The following RTEL1 variants were observed in gnomAD, a reference collection of about 807,000 sequenced individuals.
The protein encoded by RTEL1 is regulator of telomere length.
RTEL1 carries 86 observed loss-of-function variants against 162.2 expected under a neutral mutation model. That is an observed-to-expected ratio of 0.53 (90% CI 0.45 to 0.63). The LOEUF (loss-of-function observed/expected upper bound fraction) is 0.63. Among genes scored for constraint, RTEL1 ranks in the 30% least tolerant of loss-of-function variants. The probability of loss-of-function intolerance (pLI) is 0.00; values close to 1 mark genes in which losing one functional copy is unlikely to be tolerated. For missense variants in RTEL1, 1,941 were observed against 1,750.2 expected (o/e 1.11, Z -1.95); for synonymous variants, 958 against 717.9 (o/e 1.33, Z -5.35).
At chr20:63,690,503 G>GGGGGGGGGGGGC in intron 26 of RTEL1, 62 bp downstream of exon 26, 18 of 1,028,378 alleles carry the variant, frequency 1.8e-5, no homozygotes, top group East Asian at 2.6e-5. Context: ...CGTGGGGCGG[G>GGGGGGGGGGGGC]CAGCACCAGG....
At position 63,661,210 on chromosome 20, in the gene RTEL1, G is replaced by A. The variant is rs911184468; in HGVS notation, c.103-88G>A. Reference sequence around the variant, plus strand: ...CCTCTGCATCTGCAAAGAGCTGCCCGCTGGCTGCCGAAGCTTGTCTCAGGG... The same window carrying A: ...CCTCTGCATCTGCAAAGAGCTGCCCACTGGCTGCCGAAGCTTGTCTCAGGG... On this transcript the variant is annotated intron_variant, in intron 2 of 34. Transcript: ENST00000360203. This position sits in a 1 kb window ranked among gnomAD's most constrained non-coding sequence, Gnocchi z 5.1. 8 of 1,262,628 alleles carry A rather than the reference G, an allele frequency of 6.3e-6. No homozygotes were observed. The highest frequency in any genetic ancestry group is 1.5e-5 in the African/African-American group (1 of 67,532). 78.2% of individuals were successfully genotyped at this position (1,262,628 alleles called of 1,614,324 possible). A position where few individuals can be genotyped will look rare whatever the true frequency, so the allele number is the denominator to read the frequency against.
chr20:63,679,835 C>T lies in RTEL1; in HGVS notation c.1038-14C>T, dbSNP rs768246499. ...CCCCCGCCAGGCTCGAGCCTGCCTT[C>T]TTCTCCTCGGCAGCTACATCTTTGA... is the stretch of plus-strand genomic sequence containing the variant. On this transcript the variant is annotated splice_polypyrimidine_tract_variant and intron_variant, in intron 12 of 34. Coordinates refer to ENST00000360203, the MANE Select transcript of RTEL1 (RefSeq NM_001283009.2). 6.2e-7 allele frequency: 1 copy of T among 1,605,744 alleles called. No homozygotes were observed. The highest frequency in any genetic ancestry group is 8.5e-7 in the Non-Finnish European group (1 of 1,177,330).
In RTEL1 at chr20:63,693,199, C is replaced by T; in HGVS notation, c.2908C>T (p.Gln970Ter). The T allele has an allele frequency of 1.2e-6, 2 of 1,612,150 alleles. No homozygotes were observed. Among genetic ancestry groups the T allele is most frequent in the Non-Finnish European group, 1.7e-6 (2 of 1,179,530 alleles). The change falls in exon 30 of 35, where the codon CAG becomes TAG. Residue 970 changes from glutamine to a stop codon, truncating the protein, a stop_gained. Transcript: ENST00000360203. LOFTEE classifies it high-confidence loss of function. ...GCAGCAGTTTGAGGAGGTCTGTATC[C>T]AGCTGACAGGACGAGGCTGTGGCTA... Reference protein sequence around the residue: ...HKQQFEEVCIQLTGRGCGYRP... With the variant: ...HKQQFEEVCI
intron 7 of RTEL1, among the ~76,000 whole-genome samples, chr20:63,666,563 T>C (rs978998309): frequency 2.6e-5 from 4 of 152,156 alleles, no homozygotes; most frequent in African/African-American, 7.2e-5. Flanking sequence ...TGAAACAGGG[T>C]CTCGCTCTGC....
intron 7 of RTEL1, 151 bp downstream of exon 7, chr20:63,666,230 C>T: frequency 2.9e-6 from 2 of 687,038 alleles, no homozygotes; most frequent in South Asian, 3.9e-5. Context: ...GTTTAAGCAG[C>T]TCTGAGGAAG....
intron 6 of RTEL1, among the ~76,000 whole-genome samples, chr20:63,664,030 T>A (rs1307460338): frequency 6.6e-6 from 1 of 152,066 alleles, no homozygotes; most frequent in Admixed American, 6.6e-5. Flanking sequence ...CTGTGTTGCT[T>A]CTTGTTCGCT....
Position 63,695,332 on chromosome 20 carries a change from C to T in RTEL1, c.3504C>T (p.Pro1168=). Residue 1168 remains proline (P), a synonymous_variant, in exon 34 of 35, where the codon CCC becomes CCT. Coordinates refer to ENST00000360203, the MANE Select transcript of RTEL1 (RefSeq NM_001283009.2). Reference sequence around the variant, plus strand: ...GACTCAAGTCTCTGTCTCCAGGCCCCTCACGGTCCGAGAAGACCGGGAAGA... The same window carrying T: ...GACTCAAGTCTCTGTCTCCAGGCCCTTCACGGTCCGAGAAGACCGGGAAGA... The part of the protein sequence containing the change: ...VLTHRAPQPG[P]SRSEKTGKTQ... The T allele has an allele frequency of 6.4e-7, 1 of 1,560,272 alleles. No individual in the cohort carries two copies. The highest frequency in any genetic ancestry group is 8.7e-7 in the Non-Finnish European group (1 of 1,152,796).
At chr20:63,677,290 C>T (rs930250834) in intron 10 of RTEL1, among the ~76,000 whole-genome samples, 13 of 152,174 alleles carry the variant, frequency 8.5e-5, no homozygotes, top group Non-Finnish European at 1.6e-4. Context: ...TACAGCCATA[C>T]GCACAGGTGT....
In RTEL1 at chr20:63,661,830, G is replaced by A; in HGVS notation, c.302-20G>A. The A allele has an allele frequency of 6.2e-7, 1 of 1,609,422 alleles. No homozygotes were observed. The highest frequency in any genetic ancestry group is 8.5e-7 in the Non-Finnish European group (1 of 1,175,762). On this transcript the variant is annotated intron_variant, in intron 3 of 34. Coordinates refer to ENST00000360203, the MANE Select transcript of RTEL1 (RefSeq NM_001283009.2). This position sits in a 1 kb window ranked among gnomAD's most constrained non-coding sequence, Gnocchi z 5.1. ...GTTGTCTGAGAACCGTGACTTCTGT[G>A]CTTGCTTGTGTCTGGTCAGCTTGCT... is the stretch of plus-strand genomic sequence containing the variant.
intron 10 of RTEL1, 120 bp downstream of exon 10, chr20:63,674,213 T>G: frequency 6.8e-7 from 1 of 1,466,568 alleles, no homozygotes; most frequent in Non-Finnish European, 9.0e-7. Flanking sequence ...TGCTTGGTCC[T>G]GAGGCCCGTG....
In RTEL1 at chr20:63,659,329, G is replaced by T; in HGVS notation, c.-74G>T. ...AGTGCCCGAGACCCTAAGATGTTCGGAGTGGTTTTTTCGCACAGACCCGAA... is the reference window on the plus strand; with the variant it reads ...AGTGCCCGAGACCCTAAGATGTTCGTAGTGGTTTTTTCGCACAGACCCGAA... On this transcript the variant is annotated 5_prime_UTR_variant, in exon 2 of 35. Coordinates refer to ENST00000360203, the MANE Select transcript of RTEL1 (RefSeq NM_001283009.2). The T allele has an allele frequency of 2.0e-6, 2 of 998,878 alleles. No homozygotes were observed. The highest frequency in any genetic ancestry group is 3.2e-6 in the Non-Finnish European group (2 of 624,080). 61.9% of individuals were successfully genotyped at this position (998,878 alleles called of 1,614,324 possible).
At chr20:63,692,230 C>T (rs957128387) in intron 28 of RTEL1, 19 of 224,866 alleles carry the variant, frequency 8.4e-5, no homozygotes, top group South Asian at 3.8e-4. Context: ...CCAAGTGTGG[C>T]GGCCTTTGTC....
At position 63,668,144 on chromosome 20, in the gene RTEL1, T is replaced by G. The variant is rs2090175527; in HGVS notation, c.699+591T>G. Among the ~76,000 whole-genome samples the G allele has an allele frequency of 7.2e-6, 1 of 139,416 alleles. No homozygotes were observed. The highest frequency in any genetic ancestry group is 2.3e-4 in the South Asian group (1 of 4,338). 91.5% of individuals were successfully genotyped at this position (139,416 alleles called of 152,430 possible). On this transcript the variant is annotated intron_variant, in intron 8 of 34. Transcript: ENST00000360203. The surrounding 1 kb of genome is among the most constrained non-coding windows in gnomAD (Gnocchi z 4.3). The stretch of plus-strand genomic sequence containing the variant: ...CGCCAGCATGTGCCCGGCCCCACAC[T>G]CAACTCCCCTCCTCCCAGTGTGTGC...
At position 63,668,258 on chromosome 20, in the gene RTEL1, A is replaced by G. The variant is rs918530687; in HGVS notation, c.699+705A>G. Among the ~76,000 whole-genome samples the G allele has an allele frequency of 1.2e-4, 19 of 152,086 alleles. No homozygotes were observed. The highest frequency in any genetic ancestry group is 3.9e-4 in the African/African-American group (16 of 41,396). ...AGGTGGGATCACACGCCACGGGTCA[A>G]TGGTTTGTGTGTTCACGTGACGATG... On this transcript the variant is annotated intron_variant, in intron 8 of 34. Transcript: ENST00000360203. The surrounding 1 kb of genome is among the most constrained non-coding windows in gnomAD (Gnocchi z 4.3).
At chr20:63,679,137 C>T (rs1264614791) in intron 12 of RTEL1, among the ~76,000 whole-genome samples, 3 of 152,196 alleles carry the variant, frequency 2.0e-5, no homozygotes, top group Non-Finnish European at 2.9e-5. Flanking sequence ...TTCTCCGCAG[C>T]CAGGGCAGCA....
Position 63,675,743 on chromosome 20 carries a change from C to T in RTEL1, c.919+1650C>T, listed in dbSNP as rs1312091709. On this transcript the variant is annotated intron_variant, in intron 10 of 34. Coordinates refer to ENST00000360203, the MANE Select transcript of RTEL1 (RefSeq NM_001283009.2). ...GTTCCTGGGACTTTGAACGCTCCACCTCCCTCCTCTCCACAGTCCCCCAAC... is the reference window on the plus strand; with the variant it reads ...GTTCCTGGGACTTTGAACGCTCCACTTCCCTCCTCTCCACAGTCCCCCAAC... Among the ~76,000 whole-genome samples the T allele has an allele frequency of 7.2e-5, 11 of 152,190 alleles. 1 individual carries two copies.
Position 63,662,864 on chromosome 20 carries a change from C to G in RTEL1, c.513C>G (p.Ser171=). Reference sequence around the variant, plus strand: ...GCCGTAAGAAGGTGGCAAGTCGCTCCTGTCATTTCTACAACAACGTAGAAG... The same window carrying G: ...GCCGTAAGAAGGTGGCAAGTCGCTCGTGTCATTTCTACAACAACGTAGAAG... ...HLCRKKVASR[S]CHFYNNVEEK... Residue 171 remains serine, a synonymous_variant, in exon 6 of 35, where the codon TCC becomes TCG. Transcript: ENST00000360203. The G allele has an allele frequency of 6.2e-7, 1 of 1,614,028 alleles. No homozygotes were observed. The highest frequency in any genetic ancestry group is 1.1e-5 in the South Asian group (1 of 91,080).
rs546783277 is a variant in RTEL1 at position 63,695,463 on chromosome 20, C to T, written c.3635C>T (p.Pro1212Leu). 3.8e-6 allele frequency: 6 copies of T among 1,598,652 alleles called. No homozygotes were observed. Among genetic ancestry groups the T allele is most frequent in the Non-Finnish European group, 5.1e-6 (6 of 1,172,190 alleles). ...PSQSSGPPHGPAASEWGEPHG... is the reference protein window; with the variant it reads ...PSQSSGPPHGLAASEWGEPHG... Reference sequence around the variant, plus strand: ...CAGTCCTCAGGACCTCCCCACGGGCCTGCAGCATCTGAGTGGGGTGAGCCT... The same window carrying T: ...CAGTCCTCAGGACCTCCCCACGGGCTTGCAGCATCTGAGTGGGGTGAGCCT... Residue 1212 changes from proline to leucine, a missense_variant, in exon 34 of 35, where the codon CCT (proline) becomes CTT (leucine). Transcript: ENST00000360203.
Position 63,688,613 on chromosome 20 carries a change from C to G in RTEL1, c.1800+8C>G. 1.9e-6 allele frequency: 3 copies of G among 1,601,404 alleles called. No homozygotes were observed. The highest frequency in any genetic ancestry group is 2.6e-6 in the Non-Finnish European group (3 of 1,175,950). ...AAAGGCAGCTTCTCCGAGGTCGGCA[C>G]TTGGCCGGGGCTCTGGGCCTGCTGC... On this transcript the variant is annotated splice_region_variant and intron_variant, in intron 21 of 34. Coordinates refer to ENST00000360203, the MANE Select transcript of RTEL1 (RefSeq NM_001283009.2).
Sources: allele counts gnomAD v4.1 joint callset (sites outside exome capture counted in the v4.1 genomes callset), GRCh38; gene constraint gnomAD v4.1.1; non-coding constraint Gnocchi (gnomAD v3.1); transcripts MANE v1.5; gene names NCBI Gene and HGNC (gene_info 2026-07-23, HGNC 2026-07-21).